The following ZMYM4 variants were observed in gnomAD, a reference collection of about 807,000 sequenced individuals.
ZMYM4 encodes zinc finger MYM-type containing 4, also known as zinc finger MYM-type protein 4.
Under a neutral mutation model 183.2 loss-of-function variants are expected in ZMYM4, and 31 were observed. The observed-to-expected ratio is 0.17, with a 90% CI of 0.13 to 0.23. ZMYM4 has a LOEUF of 0.23. ZMYM4 is among the 10% of genes least tolerant of loss of function. The pLI, the probability that ZMYM4 is intolerant of heterozygous loss-of-function variation, is 1.00. For missense variants in ZMYM4, 1,273 were observed against 1,840.3 expected (o/e 0.69, Z 5.64); for synonymous variants, 592 against 631.2 (o/e 0.94, Z 0.93).
chr1:35,411,969 G>T (rs571006731), intron 26 of ZMYM4, among the ~76,000 whole-genome samples: 1 of 151,854 alleles, frequency 6.6e-6, no homozygotes, highest in African/African-American at 2.4e-5. Context: ...TGCAAGCTCC[G>T]CCTCCTGGGT....
chr1:35,335,606 A>G (rs977965587), intron 2 of ZMYM4, among the ~76,000 whole-genome samples: 8 of 152,128 alleles, frequency 5.3e-5, no homozygotes, highest in Non-Finnish European at 1.0e-4. Flanking sequence ...TTTGTCACCA[A>G]TGCATGATAA....
chr1:35,268,784 T>G lies in ZMYM4; in HGVS notation c.-263T>G, dbSNP rs1639432746. Among the ~76,000 whole-genome samples, 1 of 152,142 alleles carries G rather than the reference T, an allele frequency of 6.6e-6. No homozygotes were observed. Among genetic ancestry groups the G allele is most frequent in the African/African-American group, 2.4e-5 (1 of 41,442 alleles). ...AAAATAATCCTACTCACGGGGCCCC[T>G]TGGAGGCCATTAACCCCCCGAGTCC... On this transcript the variant is annotated 5_prime_UTR_variant, in exon 1 of 30. Coordinates refer to ENST00000314607, the MANE Select transcript of ZMYM4 (RefSeq NM_005095.3).
intron 1 of ZMYM4, among the ~76,000 whole-genome samples, chr1:35,278,816 T>C (rs190644798): frequency 6.6e-6 from 1 of 152,340 alleles, no homozygotes; most frequent in African/African-American, 2.4e-5. Flanking sequence ...GGTAAGAGTA[T>C]GGACTCGGCA....
At chr1:35,348,574 A>AT (rs1470390596) in intron 2 of ZMYM4, among the ~76,000 whole-genome samples, 3 of 152,240 alleles carry the variant, frequency 2.0e-5, no homozygotes, top group African/African-American at 7.2e-5. Context: ...ATTAATAACT[A>AT]TGATTCTTTT....
chr1:35,346,545 G>A (rs961946188), intron 2 of ZMYM4, among the ~76,000 whole-genome samples: 3 of 151,390 alleles, frequency 2.0e-5, no homozygotes, highest in Non-Finnish European at 2.9e-5. Flanking sequence ...CAGCTACTGA[G>A]GGAGCTGAGG....
At chr1:35,364,858 A>T (rs565641846) in intron 5 of ZMYM4, among the ~76,000 whole-genome samples, 9 of 152,118 alleles carry the variant, frequency 5.9e-5, no homozygotes, top group Non-Finnish European at 1.0e-4. Flanking sequence ...TACTATATAA[A>T]CAAGGTGCTG....
chr1:35,325,666 A>G (rs1642474860), intron 2 of ZMYM4, among the ~76,000 whole-genome samples: 1 of 152,064 alleles, frequency 6.6e-6, no homozygotes, highest in African/African-American at 2.4e-5. Flanking sequence ...TATATGGAAG[A>G]TTATACTTAC....
Position 35,361,218 on chromosome 1 carries a change from A to G in ZMYM4, c.632A>G (p.His211Arg), listed in dbSNP as rs1643929776. 5 of 1,606,470 alleles carry G rather than the reference A, an allele frequency of 3.1e-6. No homozygotes were observed. Among genetic ancestry groups the G allele is most frequent in the Non-Finnish European group, 4.2e-6 (5 of 1,177,100 alleles). Residue 211 changes from histidine to arginine, a missense_variant, in exon 4 of 30, where the codon CAT (histidine) becomes CGT (arginine). Around this residue, in one of 6 missense-constraint regions of ZMYM4, gnomAD observed 384 missense variants for 465.6 expected, o/e 0.82. Transcript: ENST00000314607. ...KAANQVEETLHTHLPQTPETN... is the reference protein window; with the variant it reads ...KAANQVEETLRTHLPQTPETN... ...GCTAATCAAGTTGAAGAAACATTACATACCCATTTACCACAAACCCCAGAA... is the reference window on the plus strand; with the variant it reads ...GCTAATCAAGTTGAAGAAACATTACGTACCCATTTACCACAAACCCCAGAA...
rs1644923921 is a variant in ZMYM4, at chr1:35,402,341, C to T, written c.3529-2682C>T. On this transcript the variant is annotated intron_variant, in intron 23 of 29. Coordinates refer to ENST00000314607, the MANE Select transcript of ZMYM4 (RefSeq NM_005095.3). ...TTTTTAAATTTCATTTTTCACTGAG[C>T]ACAATGACTCACACCTATAATCCTA... is the stretch of plus-strand genomic sequence containing the variant. Among the ~76,000 whole-genome samples, 3 of 152,098 alleles carry T rather than the reference C, an allele frequency of 2.0e-5. No individual in the cohort carries two copies. In the South Asian group the frequency reaches 6.2e-4, roughly 31 times the overall value.
At chr1:35,383,146 G>C (rs931809457) in intron 9 of ZMYM4, among the ~76,000 whole-genome samples, 10 of 152,112 alleles carry the variant, frequency 6.6e-5, no homozygotes, top group Non-Finnish European at 1.0e-4. Flanking sequence ...ATGTAGTTTT[G>C]TGTGTATTAG....
intron 1 of ZMYM4, among the ~76,000 whole-genome samples, chr1:35,286,461 C>G (rs1470967671): frequency 6.6e-6 from 1 of 152,126 alleles, no homozygotes; most frequent in Non-Finnish European, 1.5e-5. Context: ...CGCCTCAGTA[C>G]CTTTCAGTGG....
Position 35,386,148 on chromosome 1 carries a change from A to G in ZMYM4, c.1795A>G (p.Ile599Val), listed in dbSNP as rs759775078. Residue 599 changes from isoleucine to valine, a missense_variant, in exon 11 of 30, where the codon ATA (isoleucine) becomes GTA (valine). Around this residue, in one of 6 missense-constraint regions of ZMYM4, gnomAD observed 319 missense variants for 518.1 expected, o/e 0.62. Transcript: ENST00000314607. ...QYHLAMSDGS[I>V]RNFCSYSCVV... ...TCACCTAGCCATGTCAGATGGAAGT[A>G]TACGCAACTTCTGCAGCTACAGCTG... 3.7e-6 allele frequency: 6 copies of G among 1,614,016 alleles called. No individual in the cohort carries two copies. In the Admixed American group the frequency reaches 5.0e-5, roughly 13 times the overall value.
chr1:35,386,982 TTTG>T lies in ZMYM4; in HGVS notation c.1837-15_1837-13del. On this transcript the variant is annotated intron_variant, in intron 11 of 29. Coordinates refer to ENST00000314607, the MANE Select transcript of ZMYM4 (RefSeq NM_005095.3). ...TTTAACAAAGATTAAATTGATACTT[TTTG>T]TTGTTTTGTTTTTCCAGAATTTATT... The T allele has an allele frequency of 1.9e-6, 3 of 1,606,792 alleles. No individual in the cohort carries two copies. Among genetic ancestry groups the T allele is most frequent in the Non-Finnish European group, 2.6e-6 (3 of 1,175,342 alleles).
In ZMYM4 at chr1:35,336,389, C is replaced by CT. The variant is rs35011285; in HGVS notation, c.85+10998dup. ...ATGTTGTAACATGAGTCACAATTAC[C>CT]TTTTTTTTTTTTTTGATACAGAGTT... is the stretch of plus-strand genomic sequence containing the variant. On this transcript the variant is annotated intron_variant, in intron 2 of 29. Transcript: ENST00000314607. Among the ~76,000 whole-genome samples, 678 of 143,618 alleles carry CT rather than the reference C, an allele frequency of 4.7e-3. 4 individuals are homozygous for CT. The highest frequency in any genetic ancestry group is 0.012 in the African/African-American group (480 of 39,346). The allele number at this position is 143,618 out of a possible 152,430, so 94.2% of individuals were successfully genotyped here. A position where few individuals can be genotyped will look rare whatever the true frequency, so the allele number is the denominator to read the frequency against.
At chr1:35,373,051 C>T (rs911033312) in intron 7 of ZMYM4, among the ~76,000 whole-genome samples, 1 of 152,006 alleles carries the variant, frequency 6.6e-6, no homozygotes, top group African/African-American at 2.4e-5. Context: ...CCCAGCTACT[C>T]AGATGGCTGA....
chr1:35,406,310 T>G (rs1025795614), intron 25 of ZMYM4, among the ~76,000 whole-genome samples: 2 of 152,298 alleles, frequency 1.3e-5, no homozygotes, highest in South Asian at 4.1e-4. Context: ...AATACACTCC[T>G]GTTGTGGAGA....
intron 1 of ZMYM4, among the ~76,000 whole-genome samples, chr1:35,298,270 T>TA (rs1641115564): frequency 6.6e-6 from 1 of 152,100 alleles, no homozygotes; most frequent in Admixed American, 6.5e-5. Flanking sequence ...TAGCTGGACA[T>TA]ACTGGTGTGC....
At chr1:35,317,187 C>A (rs1166044055) in intron 1 of ZMYM4, among the ~76,000 whole-genome samples, 1 of 151,218 alleles carries the variant, frequency 6.6e-6, no homozygotes, top group Non-Finnish European at 1.5e-5. Context: ...AATCCCAGCA[C>A]TTTGGGAGGC....
intron 1 of ZMYM4, among the ~76,000 whole-genome samples, chr1:35,312,438 A>G (rs1570324966): frequency 6.6e-6 from 1 of 152,282 alleles, no homozygotes; most frequent in Middle Eastern, 3.4e-3. Context: ...TTAGGTGTAT[A>G]ATTCAGTGGC....
Sources: gnomAD v4.1 joint callset for allele counts (sites outside exome capture counted in the v4.1 genomes callset) on GRCh38, gnomAD v4.1.1 for gene constraint, gnomAD v4.1.1 regional missense constraint, MANE v1.5 for transcripts, NCBI Gene and HGNC (gene_info 2026-07-23, HGNC 2026-07-21) for gene names.